Variants in TEK observed in about 807,000 individuals in gnomAD.
TEK encodes the protein angiopoietin-1 receptor.
TEK carries 43 observed loss-of-function variants against 131.8 expected under a neutral mutation model. That is an observed-to-expected ratio of 0.33 (90% CI 0.26 to 0.42). TEK has a LOEUF of 0.42. Among genes scored for constraint, TEK ranks in the 10% least tolerant of loss-of-function variants. The pLI is 1.00. For missense variants in TEK, 1,162 were observed against 1,384.4 expected (o/e 0.84, Z 2.55); for synonymous variants, 580 against 491.6 (o/e 1.18, Z -2.38).
At position 27,217,993 on chromosome 9, in the gene TEK, C is replaced by T. The variant is rs539985296; in HGVS notation, c.3062+235C>T. ...CTCTGCATACTGAAGTTGTGTATTC[C>T]TCATGTGCTTCAAGTTGCGAATTCT... On this transcript the variant is annotated intron_variant, in intron 19 of 22. Transcript: ENST00000380036. Among the ~76,000 whole-genome samples, 860 of 152,114 alleles carry T rather than the reference C, an allele frequency of 5.7e-3. 7 individuals are homozygous for T. Among genetic ancestry groups the T allele is most frequent in the Non-Finnish European group, 9.2e-3 (623 of 68,016 alleles).
At chr9:27,145,760 A>G (rs542877077) in intron 1 of TEK, among the ~76,000 whole-genome samples, 1 of 152,370 alleles carries the variant, frequency 6.6e-6, no homozygotes, top group East Asian at 1.9e-4. Context: ...TGTCAAACAC[A>G]GTGCTTGGTG....
intron 1 of TEK, among the ~76,000 whole-genome samples, chr9:27,118,647 C>T (rs775277457): frequency 6.6e-6 from 1 of 152,132 alleles, no homozygotes; most frequent in Non-Finnish European, 1.5e-5. Context: ...CAACAACAAA[C>T]CGGAAAATGG....
intron 1 of TEK, among the ~76,000 whole-genome samples, chr9:27,141,417 C>T (rs138017790): frequency 6.6e-6 from 1 of 152,122 alleles, no homozygotes; most frequent in East Asian, 1.9e-4. Flanking sequence ...ACTCATGTGT[C>T]AATGAGGAAC....
intron 21 of TEK, among the ~76,000 whole-genome samples, chr9:27,226,241 A>C (rs1826322547): frequency 6.6e-6 from 1 of 152,236 alleles, no homozygotes; most frequent in Non-Finnish European, 1.5e-5. Context: ...GAATATACCC[A>C]CAGGATTATA....
chr9:27,173,742 T>G (rs1824056788), intron 6 of TEK, among the ~76,000 whole-genome samples: 5 of 137,096 alleles, frequency 3.6e-5, no homozygotes, highest in South Asian at 2.4e-4. Context: ...TTTTGGTTTT[T>G]TTTTTTTTTT....
intron 18 of TEK, 58 bp from the exon 19 acceptor site, chr9:27,217,630 T>C (rs1825866386): frequency 1.3e-6 from 2 of 1,513,634 alleles, no homozygotes; most frequent in African/African-American, 2.7e-5. Context: ...TCAGGCAGGC[T>C]GAGAGCCTCT....
chr9:27,152,961 T>A (rs370749643), intron 1 of TEK, among the ~76,000 whole-genome samples: 7 of 152,280 alleles, frequency 4.6e-5, no homozygotes, highest in African/African-American at 1.7e-4. Context: ...TTCACCATAA[T>A]AAGATTTAGT....
In TEK at chr9:27,197,344, C is replaced by T. The variant is rs1794552214; in HGVS notation, c.1654C>T (p.Leu552=). Residue 552 remains leucine, a synonymous_variant, in exon 12 of 23, where the codon CTG becomes TTG. Transcript: ENST00000380036. ...CCCTCCTCCAAGAGGTCTAAATCTC[C>T]TGCCTAAAAGTCAGACCACTCTAAA... ...GLPPPRGLNL[L]PKSQTTLNLT... The T allele has an allele frequency of 6.2e-7, 1 of 1,614,094 alleles. No homozygotes were observed. Among genetic ancestry groups the T allele is most frequent in the Non-Finnish European group, 8.5e-7 (1 of 1,179,988 alleles).
intron 1 of TEK, among the ~76,000 whole-genome samples, chr9:27,141,255 T>A (rs1047459274): frequency 1.3e-5 from 2 of 152,188 alleles, no homozygotes; most frequent in Admixed American, 1.3e-4. Flanking sequence ...CTTATTTGGC[T>A]TATATTTTGT....
At chr9:27,220,244 C>T (rs539229916) in intron 21 of TEK, 99 bp downstream of exon 21, 7 of 1,043,962 alleles carry the variant, frequency 6.7e-6, no homozygotes, top group South Asian at 1.3e-5. Context: ...ATACACTATA[C>T]ACAAACACCT....
At chr9:27,197,937 G>A (rs1306663837) in intron 12 of TEK, among the ~76,000 whole-genome samples, 1 of 152,132 alleles carries the variant, frequency 6.6e-6, no homozygotes, top group African/African-American at 2.4e-5. Flanking sequence ...GTACACAGAT[G>A]TCAGTTAATT....
At chr9:27,149,189 G>C (rs1262394788) in intron 1 of TEK, among the ~76,000 whole-genome samples, 2 of 152,144 alleles carry the variant, frequency 1.3e-5, no homozygotes, top group Non-Finnish European at 1.5e-5. Flanking sequence ...CTCATTGTTA[G>C]AGATACAGCG....
At chr9:27,207,862 T>C (rs1055648094) in intron 15 of TEK, among the ~76,000 whole-genome samples, 5 of 152,222 alleles carry the variant, frequency 3.3e-5, no homozygotes, top group Admixed American at 3.3e-4. Flanking sequence ...TTATCTATGA[T>C]TAGAAACAGC....
chr9:27,197,502 C>T lies in TEK; in HGVS notation c.1812C>T (p.Asn604=). The stretch of plus-strand genomic sequence containing the variant: ...ACTTGACTTCGGTGCTACTTAACAA[C>T]TTACATCCCAGGGAGCAGTACGTGG... The part of the protein sequence containing the change: ...PGNLTSVLLN[N]LHPREQYVVR... The change falls in exon 12 of 23, where the codon AAC becomes AAT. Residue 604 remains asparagine (N), a synonymous_variant. Transcript: ENST00000380036. The T allele has an allele frequency of 3.1e-6, 5 of 1,614,086 alleles. No homozygotes were observed. Among genetic ancestry groups the T allele is most frequent in the East Asian group, 2.2e-5 (1 of 44,862 alleles).
intron 1 of TEK, among the ~76,000 whole-genome samples, chr9:27,152,494 C>T (rs1003040640): frequency 2.0e-5 from 3 of 151,538 alleles, no homozygotes; most frequent in African/African-American, 7.3e-5. Flanking sequence ...ACCTTTCATC[C>T]CCTTCATCTG....
At chr9:27,189,864 A>G (rs1306221218) in intron 9 of TEK, among the ~76,000 whole-genome samples, 2 of 152,130 alleles carry the variant, frequency 1.3e-5, no homozygotes, top group African/African-American at 4.8e-5. Flanking sequence ...AGAGAGATAT[A>G]TATATATAGA....
intron 19 of TEK, 39 bp from the exon 20 acceptor site, chr9:27,218,738 G>C: frequency 6.2e-7 from 1 of 1,613,030 alleles, no homozygotes; most frequent in Non-Finnish European, 8.5e-7. Context: ...CGGTGACTCT[G>C]TTTGCTGATT....
At chr9:27,167,448 G>A (rs1206939961) in intron 2 of TEK, among the ~76,000 whole-genome samples, 3 of 152,074 alleles carry the variant, frequency 2.0e-5, no homozygotes, top group East Asian at 1.9e-4. Context: ...GGCTCGTCTC[G>A]AACTCCTGAC....
chr9:27,111,533 G>GA (rs34617595), intron 1 of TEK, among the ~76,000 whole-genome samples: 15 of 144,634 alleles, frequency 1.0e-4, no homozygotes, highest in African/African-American at 3.0e-4. Flanking sequence ...CCCACAGACT[G>GA]AAAAAAAAAA....
Sources: allele counts gnomAD v4.1 joint callset (sites outside exome capture counted in the v4.1 genomes callset), GRCh38; gene constraint gnomAD v4.1.1; transcripts MANE v1.5; gene names NCBI Gene and HGNC (gene_info 2026-07-23, HGNC 2026-07-21).